The following HECW1 variants were observed in gnomAD, a reference collection of about 807,000 sequenced individuals.
HECW1 encodes HECT, C2 and WW domain containing E3 ubiquitin protein ligase 1.
In HECW1, 61 loss-of-function variants were observed where a neutral mutation model predicts 182.3. That is an observed-to-expected ratio of 0.33 (90% CI 0.27 to 0.41). The LOEUF (loss-of-function observed/expected upper bound fraction) is 0.41, where lower values mean the gene tolerates loss of function less well. Ranked by LOEUF, HECW1 falls within the 10% of genes least tolerant of loss-of-function variation. The pLI is 1.00. For missense variants in HECW1, 1,739 were observed against 2,108.9 expected, an observed-to-expected ratio of 0.82 and a Z score of 3.44; for synonymous variants, 859 against 832.6, an observed-to-expected ratio of 1.03 and a Z score of -0.55.
intron 2 of HECW1, among the ~76,000 whole-genome samples, chr7:43,184,638 C>A (rs11766033): frequency 0.24 from 36,672 of 152,024 alleles, 4,611 homozygotes; most frequent in Middle Eastern, 0.27. Context: ...GGAGCAGAGA[C>A]GGGCTAAAGG....
At chr7:43,235,751 T>G (rs1375353368) in intron 2 of HECW1, among the ~76,000 whole-genome samples, 1 of 152,170 alleles carries the variant, frequency 6.6e-6, no homozygotes, top group African/African-American at 2.4e-5. Flanking sequence ...TCTACTGGCA[T>G]CTTGGTGGGG....
chr7:43,396,851 G>T lies in HECW1; in HGVS notation c.593G>T (p.Gly198Val). The change falls in exon 7 of 30, where the codon GGA (glycine) becomes GTA (valine). Residue 198 changes from glycine to valine, a missense_variant. By Grantham distance (109) the Gly-to-Val change is moderately radical (BLOSUM62 -3). Transcript: ENST00000395891. Reference sequence around the variant, plus strand: ...ATTGGTGCTGATGAGACCGTCCAAGGACAAGGAAGTCGGAGGCTGATCAGC... The same window carrying T: ...ATTGGTGCTGATGAGACCGTCCAAGTACAAGGAAGTCGGAGGCTGATCAGC... ...KSIGADETVQ[G>V]QGSRRLISFS... 5.0e-6 allele frequency: 8 copies of T among 1,613,072 alleles called. No homozygotes were observed. The highest frequency in any genetic ancestry group is 6.8e-6 in the Non-Finnish European group (8 of 1,179,768).
intron 6 of HECW1, among the ~76,000 whole-genome samples, chr7:43,364,991 G>A (rs1266953210): frequency 1.3e-5 from 2 of 152,196 alleles, no homozygotes; most frequent in African/African-American, 2.4e-5. Flanking sequence ...GTTTGCCAAA[G>A]ACAGGGTGGG....
At chr7:43,492,908 AAT>A (rs1380711790) in intron 18 of HECW1, among the ~76,000 whole-genome samples, 174 bp from the exon 19 acceptor site, 3 of 152,296 alleles carry the variant, frequency 2.0e-5, no homozygotes, top group Admixed American at 2.0e-4. Context: ...AAAAAATTAT[AAT>A]GTTATTATGT....
chr7:43,271,237 A>C lies in HECW1; in HGVS notation c.27+27305A>C, dbSNP rs1179744105. Among the ~76,000 whole-genome samples, 7 of 152,208 alleles carry C rather than the reference A, an allele frequency of 4.6e-5. No homozygotes were observed. The East Asian group carries it at 1.3e-3, about 29-fold the overall frequency. On this transcript the variant is annotated intron_variant, in intron 3 of 29. Transcript: ENST00000395891. ...CCACATTGAACATTAATGTATGTTT[A>C]AAAAGTAATTGACAACATCATATGG... is the stretch of plus-strand genomic sequence containing the variant.
chr7:43,466,307 A>G (rs2077777671), intron 14 of HECW1, 140 bp from the exon 15 acceptor site: 2 of 790,910 alleles, frequency 2.5e-6, no homozygotes, highest in East Asian at 5.0e-5. Flanking sequence ...TGACATACAT[A>G]AAGTAATGAC....
chr7:43,154,688 C>T (rs79187394), intron 2 of HECW1, among the ~76,000 whole-genome samples: 1,605 of 152,218 alleles, frequency 0.011, 30 homozygotes, highest in African/African-American at 0.037. Flanking sequence ...CCCTGTATTC[C>T]AGCACAGGAA....
intron 10 of HECW1, 49 bp downstream of exon 10, chr7:43,442,678 T>C (rs1297730416): frequency 7.9e-6 from 10 of 1,268,398 alleles, no homozygotes; most frequent in Non-Finnish European, 1.0e-5. Context: ...GTGTCATAAG[T>C]GTGGTTCCTT....
At chr7:43,343,212 A>G (rs1292622494) in intron 5 of HECW1, among the ~76,000 whole-genome samples, 1 of 151,132 alleles carries the variant, frequency 6.6e-6, no homozygotes, top group Non-Finnish European at 1.5e-5. Flanking sequence ...AAAACTTGCC[A>G]TGATGTTCAG....
At chr7:43,252,837 T>C (rs180693813) in intron 3 of HECW1, among the ~76,000 whole-genome samples, 1 of 152,330 alleles carries the variant, frequency 6.6e-6, no homozygotes, top group Non-Finnish European at 1.5e-5. Context: ...ACAGTAGATG[T>C]AGAATGTGGA....
At position 43,445,482 on chromosome 7, in the gene HECW1, A is replaced by G. The variant is rs749435733; in HGVS notation, c.2310A>G (p.Gln770=). The G allele has an allele frequency of 2.5e-6, 4 of 1,612,112 alleles. No homozygotes were observed. The highest frequency in any genetic ancestry group is 1.3e-5 in the African/African-American group (1 of 74,940). The change falls in exon 11 of 30, where the codon CAA becomes CAG. Residue 770 remains glutamine, a synonymous_variant. Coordinates refer to ENST00000395891, the MANE Select transcript of HECW1 (RefSeq NM_015052.5). ...PESTNGAGPW[Q]DELAAPSGHV... is the part of the protein sequence containing the mutation. ...CCACGAACGGCGCTGGGCCGTGGCA[A>G]GACGAGCTGGCCGCCCCTAGCGGGC...
chr7:43,436,972 C>G (rs1356902151), intron 8 of HECW1, among the ~76,000 whole-genome samples: 1 of 152,230 alleles, frequency 6.6e-6, no homozygotes, highest in African/African-American at 2.4e-5. Context: ...TCAAGCAATT[C>G]TCCTGCCTCA....
intron 4 of HECW1, among the ~76,000 whole-genome samples, chr7:43,318,453 A>C (rs914078889): frequency 6.6e-6 from 1 of 152,208 alleles, no homozygotes; most frequent in African/African-American, 2.4e-5. Flanking sequence ...AAAGGATACA[A>C]ACAGTTCTTA....
chr7:43,392,193 T>A (rs2075056084), intron 6 of HECW1, among the ~76,000 whole-genome samples: 1 of 152,264 alleles, frequency 6.6e-6, no homozygotes, highest in Admixed American at 6.5e-5. Context: ...TGAATTTTAA[T>A]CTCTGCCTCA....
chr7:43,545,709 A>G (rs750813657), intron 26 of HECW1, among the ~76,000 whole-genome samples: 4 of 152,244 alleles, frequency 2.6e-5, no homozygotes, highest in Non-Finnish European at 4.4e-5. Context: ...CATAAGGAAG[A>G]GAAAATATAT....
At chr7:43,492,306 C>A in intron 18 of HECW1, 126 bp downstream of exon 18, 1 of 679,164 alleles carries the variant, frequency 1.5e-6, no homozygotes, top group East Asian at 2.9e-5. Flanking sequence ...TTCCTTTCTC[C>A]TCTTTTAGGA....
intron 17 of HECW1, among the ~76,000 whole-genome samples, chr7:43,485,476 T>C (rs554006406): frequency 3.9e-5 from 6 of 152,314 alleles, no homozygotes; most frequent in Non-Finnish European, 8.8e-5. Flanking sequence ...AATGTTGTTG[T>C]TAGGCAATCT....
At chr7:43,426,509 A>G (rs894480348) in intron 8 of HECW1, among the ~76,000 whole-genome samples, 2 of 152,206 alleles carry the variant, frequency 1.3e-5, no homozygotes, top group Non-Finnish European at 2.9e-5. Flanking sequence ...TTTCATACAA[A>G]TACTGTTTTT....
At chr7:43,258,065 C>T (rs569011108) in intron 3 of HECW1, among the ~76,000 whole-genome samples, 3 of 152,256 alleles carry the variant, frequency 2.0e-5, no homozygotes, top group South Asian at 2.1e-4. Context: ...AAAGGCCAGG[C>T]GTGGTGGCTC....
Sources: allele counts gnomAD v4.1 joint callset (sites outside exome capture counted in the v4.1 genomes callset), GRCh38; gene constraint gnomAD v4.1.1; transcripts MANE v1.5; gene names NCBI Gene and HGNC (gene_info 2026-07-23, HGNC 2026-07-21).